The following WNK1 variants were observed in gnomAD, a reference collection of about 807,000 sequenced individuals.
WNK1 encodes the protein serine/threonine-protein kinase WNK1.
WNK1 carries 38 observed loss-of-function variants against 222.8 expected under a neutral mutation model. The observed-to-expected ratio is 0.17, with a 90% CI of 0.13 to 0.22. The LOEUF (loss-of-function observed/expected upper bound fraction) is 0.22. WNK1 is among the 10% of genes least tolerant of loss of function. The pLI is 1.00. For synonymous variants in WNK1, 1,090 were observed against 1,092.9 expected (o/e 1.00, Z 0.05); for missense variants, 2,348 against 2,918.4 (o/e 0.80, Z 4.50).
At position 885,192 on chromosome 12, in the gene WNK1, G is replaced by A. The variant is rs757201529; in HGVS notation, c.4388G>A (p.Ser1463Asn). Residue 1463 changes from serine (S) to asparagine (N), a missense_variant, in exon 19 of 28, where the codon AGT becomes AAT. By Grantham distance (46) the Ser-to-Asn change is conservative. Around this residue, in one of 13 missense-constraint regions of WNK1, gnomAD observed 1,144 missense variants for 1,273.6 expected, o/e 0.90. Coordinates refer to ENST00000315939, the MANE Select transcript of WNK1 (RefSeq NM_018979.4). ...VSATSASAGG[S>N]TATPGPKPPA... is the part of the protein sequence containing the mutation. Reference sequence around the variant, plus strand: ...GCAACTTCAGCCTCTGCAGGGGGCAGTACTGCTACCCCAGGTCCTAAGCCT... The same window carrying A: ...GCAACTTCAGCCTCTGCAGGGGGCAATACTGCTACCCCAGGTCCTAAGCCT... The A allele has an allele frequency of 3.1e-5, 50 of 1,614,058 alleles. No individual in the cohort carries two copies. The East Asian group carries it at 3.1e-4, about 10-fold the overall frequency.
intron 22 of WNK1, 55 bp downstream of exon 22, chr12:890,568 G>A: frequency 6.3e-7 from 1 of 1,589,760 alleles, no homozygotes; most frequent in Non-Finnish European, 8.6e-7. Context: ...ACCCGTAGTT[G>A]ATTCAGGAGG....
chr12:873,518 C>T (rs937483255), intron 9 of WNK1, among the ~76,000 whole-genome samples: 1 of 152,108 alleles, frequency 6.6e-6, no homozygotes. Flanking sequence ...GAAGTGTATT[C>T]GGTCTAGAAT....
chr12:860,550 T>C (rs1951127841), intron 6 of WNK1, among the ~76,000 whole-genome samples: 1 of 152,234 alleles, frequency 6.6e-6, no homozygotes, highest in Admixed American at 6.5e-5. Context: ...TTTTGCTTTT[T>C]TGGAGGGGAG....
At chr12:890,865 G>A (rs1372802424) in intron 22 of WNK1, among the ~76,000 whole-genome samples, 1 of 152,092 alleles carries the variant, frequency 6.6e-6, no homozygotes, top group East Asian at 1.9e-4. Flanking sequence ...TGAATAGTCT[G>A]GACATATATT....
intron 1 of WNK1, among the ~76,000 whole-genome samples, chr12:807,902 G>A (rs1484876481): frequency 6.6e-6 from 1 of 151,852 alleles, no homozygotes; most frequent in African/African-American, 2.4e-5. Context: ...TGTATTTTTA[G>A]TAGAGACGGG....
intron 3 of WNK1, among the ~76,000 whole-genome samples, chr12:828,450 C>T (rs1464206229): frequency 6.6e-6 from 1 of 152,118 alleles, no homozygotes; most frequent in Non-Finnish European, 1.5e-5. Flanking sequence ...TGTTTCTCAA[C>T]CTCAATACTA....
intron 1 of WNK1, among the ~76,000 whole-genome samples, chr12:778,762 G>A (rs1212079086): frequency 2.0e-5 from 3 of 151,614 alleles, no homozygotes; most frequent in Admixed American, 1.3e-4. Flanking sequence ...GACAGTACAT[G>A]TAAACTCTAG....
intron 2 of WNK1, 106 bp downstream of exon 2, chr12:813,920 A>G: frequency 8.3e-7 from 1 of 1,204,056 alleles, no homozygotes; most frequent in East Asian, 2.5e-5. Context: ...CTAAGAAGGG[A>G]ACAGTCCTTC....
At chr12:760,255 T>C (rs1940829932) in intron 1 of WNK1, among the ~76,000 whole-genome samples, 1 of 148,122 alleles carries the variant, frequency 6.8e-6, no homozygotes, top group South Asian at 2.2e-4. Flanking sequence ...ATAATTCTTA[T>C]AGTATTTATT....
chr12:781,320 T>C (rs1309866501), intron 1 of WNK1: 1 of 152,778 alleles, frequency 6.5e-6, no homozygotes, highest in East Asian at 1.9e-4. Context: ...GAAAAACATT[T>C]TACTTAGAGC....
chr12:801,931 G>C (rs956691640), intron 1 of WNK1, among the ~76,000 whole-genome samples: 8 of 152,102 alleles, frequency 5.3e-5, no homozygotes, highest in African/African-American at 1.9e-4. Context: ...AAAAATCCTT[G>C]TCTGTCCCCA....
intron 4 of WNK1, among the ~76,000 whole-genome samples, chr12:840,840 A>C (rs1949574175): frequency 1.3e-5 from 2 of 152,252 alleles, no homozygotes; most frequent in South Asian, 4.1e-4. Flanking sequence ...GGTGCAAACA[A>C]GTAGCTACTT....
At chr12:756,056 ATTTC>A (rs1184043559) in intron 1 of WNK1, among the ~76,000 whole-genome samples, 2 of 152,162 alleles carry the variant, frequency 1.3e-5, no homozygotes, top group Admixed American at 6.5e-5. Context: ...AGGTAGACAC[ATTTC>A]TTTCTTGTAC....
chr12:901,508 G>A (rs1470626238), intron 26 of WNK1: 15 of 1,217,780 alleles, frequency 1.2e-5, no homozygotes, highest in Non-Finnish European at 1.6e-5. Flanking sequence ...TCTTGTAGTT[G>A]TGTTCTGTCT....
chr12:808,601 C>T (rs559166035), intron 1 of WNK1, among the ~76,000 whole-genome samples: 38 of 151,646 alleles, frequency 2.5e-4, no homozygotes, highest in African/African-American at 8.7e-4. Flanking sequence ...ATTTTGGAAT[C>T]CCATGTGGCT....
intron 6 of WNK1, 71 bp from the exon 7 acceptor site, chr12:860,939 TGGC>T (rs1951169420): frequency 3.5e-6 from 4 of 1,152,352 alleles, no homozygotes; most frequent in Admixed American, 5.2e-5. Flanking sequence ...TTTTTTTTTT[TGGC>T]GGGGGGTGGT....
rs769580189 is a variant in WNK1 at position 813,661 on chromosome 12, C to G, written c.779C>G (p.Ser260Cys). The change falls in exon 2 of 28, where the codon TCT (serine) becomes TGT (cysteine). Residue 260 changes from serine (S) to cysteine (C), a missense_variant. Physicochemically the swap from Ser to Cys is moderately radical, Grantham distance 112. Transcript: ENST00000315939. ...CELQDRKLTK[S>C]ERQRFKEEAE... The stretch of plus-strand genomic sequence containing the variant: ...TTTTAGGATCGAAAATTAACAAAGT[C>G]TGAGAGGCAGAGATTTAAAGAAGAA... 6.2e-7 allele frequency: 1 copy of G among 1,613,586 alleles called. No homozygotes were observed. Among genetic ancestry groups the G allele is most frequent in the African/African-American group, 1.3e-5 (1 of 75,010 alleles).
chr12:906,239 G>C (rs1955686846), intron 26 of WNK1: 4 of 887,884 alleles, frequency 4.5e-6, no homozygotes, highest in East Asian at 2.4e-4. Flanking sequence ...GTAAGACAGT[G>C]GGGGGTAAGG....
At chr12:899,600 A>G (rs1955054995) in intron 25 of WNK1, among the ~76,000 whole-genome samples, 1 of 152,166 alleles carries the variant, frequency 6.6e-6, no homozygotes, top group Admixed American at 6.5e-5. Context: ...ATCAAATTCT[A>G]ATCCTAATTT....
Sources: allele counts gnomAD v4.1 joint callset (sites outside exome capture counted in the v4.1 genomes callset), GRCh38; gene constraint gnomAD v4.1.1; regional missense constraint gnomAD v4.1.1; transcripts MANE v1.5; gene names NCBI Gene and HGNC (gene_info 2026-07-23, HGNC 2026-07-21).